Variants in UQCC6 observed in about 807,000 individuals in gnomAD.
UQCC6 encodes the protein protein BRAWNIN.
the UQCC6 span, among the ~76,000 whole-genome samples, chr12:103,952,025 G>C: frequency 6.6e-6 from 1 of 152,130 alleles, no homozygotes. Context: ...AAAATATTAA[G>C]TGCCTATTAT....
At chr12:103,962,269 C>T in the UQCC6 span, among the ~76,000 whole-genome samples, 2 of 152,036 alleles carry the variant, frequency 1.3e-5, no homozygotes, top group Non-Finnish European at 2.9e-5. Context: ...CAGTTTATTG[C>T]TTTTCATTAA....
the UQCC6 span, among the ~76,000 whole-genome samples, chr12:103,961,119 T>C: frequency 1.3e-5 from 2 of 151,690 alleles, no homozygotes; most frequent in Non-Finnish European, 2.9e-5. Flanking sequence ...ATCTTGACCC[T>C]GTGTAGGCCT....
chr12:103,954,961 T>C, the UQCC6 span: 1 of 701,150 alleles, frequency 1.4e-6, no homozygotes, highest in Admixed American at 2.0e-5. Flanking sequence ...TCTCAACCTG[T>C]TTCTCATCTG....
the UQCC6 span, among the ~76,000 whole-genome samples, chr12:103,960,992 G>A: frequency 3.3e-5 from 5 of 151,854 alleles, no homozygotes; most frequent in African/African-American, 9.7e-5. Flanking sequence ...AGCCTCGGCC[G>A]GATCCTTCAC....
the UQCC6 span, chr12:103,950,600 G>A: frequency 2.0e-5 from 3 of 152,210 alleles, no homozygotes; most frequent in East Asian, 1.9e-4. Flanking sequence ...CAACAAGCCT[G>A]CCTTAGGGAG....
At chr12:103,962,441 TTG>T in the UQCC6 span, among the ~76,000 whole-genome samples, 1 of 152,226 alleles carries the variant, frequency 6.6e-6, no homozygotes, top group Non-Finnish European at 1.5e-5. Context: ...ATGATCCATT[TTG>T]TTTTTTTATA....
At chr12:103,958,240 G>A in the UQCC6 span, among the ~76,000 whole-genome samples, 1 of 150,504 alleles carries the variant, frequency 6.6e-6, no homozygotes, top group African/African-American at 2.4e-5. Context: ...GTTAGTGCAA[G>A]GCTAAATTCT....
the UQCC6 span, among the ~76,000 whole-genome samples, chr12:103,963,230 C>T: frequency 4.6e-5 from 7 of 152,100 alleles, no homozygotes; most frequent in African/African-American, 7.2e-5. Flanking sequence ...TGTGCCACCA[C>T]ATCTGGCTAA....
the UQCC6 span, chr12:103,951,475 A>G: frequency 0.2 from 215,553 of 1,079,682 alleles, 26,164 homozygotes; most frequent in East Asian, 0.46. Flanking sequence ...CAATAAATTA[A>G]GAAATACATA....
At chr12:103,964,012 T>C in the UQCC6 span, among the ~76,000 whole-genome samples, 1 of 152,000 alleles carries the variant, frequency 6.6e-6, no homozygotes, top group African/African-American at 2.4e-5. Flanking sequence ...AAAAAGTTTG[T>C]CTTCCAGACT....
the UQCC6 span, chr12:103,954,643 A>C: frequency 2.8e-6 from 1 of 360,498 alleles, no homozygotes; most frequent in Non-Finnish European, 5.0e-6. Flanking sequence ...TCGGCGTGAA[A>C]TTTGGAGGAG....
chr12:103,961,455 C>T, the UQCC6 span, among the ~76,000 whole-genome samples: 132 of 152,284 alleles, frequency 8.7e-4, 1 homozygote, highest in African/African-American at 3.1e-3. Flanking sequence ...CACTCACTGA[C>T]TCACCCAGAG....
the UQCC6 span, chr12:103,955,910 T>A: frequency 4.7e-6 from 2 of 423,576 alleles, no homozygotes; most frequent in East Asian, 1.4e-4. Context: ...AAATTTCTCC[T>A]TCCTTTGAAT....
At chr12:103,959,731 T>G in the UQCC6 span, among the ~76,000 whole-genome samples, 1 of 151,430 alleles carries the variant, frequency 6.6e-6, no homozygotes, top group East Asian at 1.9e-4. Flanking sequence ...TAATAATAAT[T>G]AACTTTTTTA....
chr12:103,964,131 C>CTTTTT, the UQCC6 span, among the ~76,000 whole-genome samples: 2 of 69,470 alleles, frequency 2.9e-5, no homozygotes, highest in Admixed American at 2.0e-4. Flanking sequence ...CTCCCATAAG[C>CTTTTT]TTTTTTTTTT....
chr12:103,963,713 T>C, the UQCC6 span, among the ~76,000 whole-genome samples: 4 of 152,218 alleles, frequency 2.6e-5, no homozygotes, highest in East Asian at 1.9e-4. Context: ...TTTGATGCTA[T>C]TGTGAATGGT....
the UQCC6 span, among the ~76,000 whole-genome samples, chr12:103,960,591 A>C: frequency 7.2e-5 from 11 of 152,240 alleles, no homozygotes; most frequent in African/African-American, 2.7e-4. Context: ...ACACAAAAAC[A>C]TAAAAATCCT....
At chr12:103,959,254 T>C in the UQCC6 span, among the ~76,000 whole-genome samples, 1 of 152,230 alleles carries the variant, frequency 6.6e-6, no homozygotes, top group African/African-American at 2.4e-5. Context: ...CCCTTTTGGT[T>C]ATTTTAGGTT....
the UQCC6 span, chr12:103,956,525 C>T: frequency 2.7e-6 from 2 of 751,536 alleles, no homozygotes; most frequent in East Asian, 2.7e-5. Context: ...ATGGAGTGGT[C>T]CAGGAGCATC....
Sources: allele counts gnomAD v4.1 joint callset (sites outside exome capture counted in the v4.1 genomes callset), GRCh38; gene constraint gnomAD v4.1.1; transcripts MANE v1.5; gene names NCBI Gene and HGNC (gene_info 2026-07-23, HGNC 2026-07-21).